ORC3: variants seen among roughly 807,000 people sequenced by gnomAD.
ORC3 encodes the protein homolog of latheo, Drosophila.
Under a neutral mutation model 100.7 loss-of-function variants are expected in ORC3, and 78 were observed. The ratio of observed to expected loss-of-function variants is 0.77; its 90% CI spans 0.65 to 0.94. The LOEUF is 0.94. ORC3 is among the 40% of genes least tolerant of loss of function. ORC3 has a pLI of 0.00. For synonymous variants in ORC3, 295 were observed against 289.3 expected (o/e 1.02, Z -0.20); for missense variants, 789 against 823.9 (o/e 0.96, Z 0.52).
At chr6:87,622,271 T>C (rs1489096822) in intron 11 of ORC3, among the ~76,000 whole-genome samples, 1 of 152,122 alleles carries the variant, frequency 6.6e-6, no homozygotes, top group African/African-American at 2.4e-5. Flanking sequence ...TGAAAGCACC[T>C]TTAGATCTAT....
At chr6:87,668,095 G>A (rs557552401), downstream of ORC3, among the ~76,000 whole-genome samples, 1 of 152,208 alleles carries the variant, frequency 6.6e-6, no homozygotes, top group South Asian at 2.1e-4. Flanking sequence ...CTCTTCTATG[G>A]CAGAAACTCA....
downstream of ORC3, among the ~76,000 whole-genome samples, chr6:87,671,260 G>A (rs1770824090): frequency 1.3e-5 from 2 of 152,080 alleles, no homozygotes; most frequent in South Asian, 4.2e-4. Flanking sequence ...AATAATCCAA[G>A]CAAGCTATGA....
intron 19 of ORC3, 81 bp from the exon 20 acceptor site, chr6:87,666,936 CA>C (rs1178987287): frequency 2.2e-5 from 16 of 733,496 alleles, no homozygotes; most frequent in Non-Finnish European, 3.7e-5. Context: ...TTCATTTTAC[CA>C]ACTAGTATTT....
At chr6:87,673,330 G>C in the ORC3 span, among the ~76,000 whole-genome samples, 3 of 151,908 alleles carry the variant, frequency 2.0e-5, no homozygotes, top group Non-Finnish European at 4.4e-5. Flanking sequence ...GTGGTTCTTA[G>C]CTGGGAACTG....
intron 11 of ORC3, among the ~76,000 whole-genome samples, chr6:87,627,011 T>A (rs1473779346): frequency 6.6e-6 from 1 of 151,936 alleles, no homozygotes; most frequent in Admixed American, 6.6e-5. Flanking sequence ...ATTTTATTTT[T>A]TTTGAGGTGG....
At chr6:87,668,269 A>G (rs1770758592), downstream of ORC3, among the ~76,000 whole-genome samples, 2 of 152,220 alleles carry the variant, frequency 1.3e-5, no homozygotes, top group South Asian at 4.2e-4. Flanking sequence ...CCTTAGAACT[A>G]TGTCATTGCA....
intron 2 of ORC3, 98 bp from the exon 3 acceptor site, chr6:87,601,686 T>A (rs184578016): frequency 0.016 from 9,951 of 640,286 alleles, 71 homozygotes; most frequent in Non-Finnish European, 0.019. Flanking sequence ...AAAAAAAAAA[T>A]TTCACTTCTG....
intron 2 of ORC3, among the ~76,000 whole-genome samples, chr6:87,598,659 T>C (rs1459451549): frequency 7.4e-6 from 1 of 135,912 alleles, no homozygotes; most frequent in Non-Finnish European, 1.7e-5. Context: ...TTTGCTAGGC[T>C]TTTTTTTTTT....
At chr6:87,676,973 AG>A in the ORC3 span, among the ~76,000 whole-genome samples, 1 of 151,420 alleles carries the variant, frequency 6.6e-6, no homozygotes, top group Non-Finnish European at 1.5e-5. Flanking sequence ...GCTACACAGG[AG>A]GCTGAGGCAG....
At chr6:87,601,941 A>C in intron 3 of ORC3, 60 bp downstream of exon 3, 6 of 943,464 alleles carry the variant, frequency 6.4e-6, no homozygotes, top group Non-Finnish European at 1.0e-5. Context: ...GTTGCATCTC[A>C]TCTTCCTTTC....
chr6:87,657,346 A>G (rs989985265), intron 15 of ORC3, among the ~76,000 whole-genome samples: 2 of 152,344 alleles, frequency 1.3e-5, no homozygotes, highest in South Asian at 4.1e-4. Flanking sequence ...AGCCTAACTA[A>G]TTAGTTTTAG....
At chr6:87,631,620 G>A (rs529301970) in intron 11 of ORC3, among the ~76,000 whole-genome samples, 1 of 152,034 alleles carries the variant, frequency 6.6e-6, no homozygotes, top group South Asian at 2.1e-4. Context: ...AGCCTCCCAA[G>A]TAGCTGGGAT....
intron 1 of ORC3, among the ~76,000 whole-genome samples, chr6:87,592,578 A>G (rs1197808141): frequency 6.6e-6 from 1 of 152,046 alleles, no homozygotes; most frequent in African/African-American, 2.4e-5. Flanking sequence ...ACAGTGAGCC[A>G]AGATTGTGCC....
chr6:87,651,809 T>A (rs534740666), intron 13 of ORC3, among the ~76,000 whole-genome samples: 1 of 152,310 alleles, frequency 6.6e-6, no homozygotes, highest in South Asian at 2.1e-4. Flanking sequence ...CTCATTTTTT[T>A]ATTATGAAAG....
the ORC3 span, among the ~76,000 whole-genome samples, chr6:87,676,405 G>A: frequency 2.1e-4 from 26 of 126,564 alleles, no homozygotes; most frequent in Non-Finnish European, 3.8e-4. Flanking sequence ...GGTGGAGCTT[G>A]CAGTGAGCCA....
chr6:87,603,510 A>T lies in ORC3; in HGVS notation c.304A>T (p.Thr102Ser). ...GGQIKLREIPTAALVLGVNVT... is the reference protein window; with the variant it reads ...GGQIKLREIPSAALVLGVNVT... Reference sequence around the variant, plus strand: ...TCAAATAAAACTCAGAGAAATTCCAACTGCTGCTCTTGTTCTTGGTATATA... The same window carrying T: ...TCAAATAAAACTCAGAGAAATTCCATCTGCTGCTCTTGTTCTTGGTATATA... Residue 102 changes from threonine (T) to serine (S), a missense_variant, in exon 4 of 20, where the codon ACT (threonine) becomes TCT (serine). By Grantham distance (58) the Thr-to-Ser change is moderately conservative. This residue lies in a region of ORC3 where 399 missense variants were observed against 382.0 expected (regional missense o/e 1.04). Transcript: ENST00000392844. 1 of 1,519,432 alleles carries T rather than the reference A, an allele frequency of 6.6e-7. No individual in the cohort carries two copies. The highest frequency in any genetic ancestry group is 2.3e-5 in the East Asian group (1 of 43,924). 94.1% of individuals were successfully genotyped at this position (1,519,432 alleles called of 1,614,324 possible).
chr6:87,672,059 T>A (rs1318877643), downstream of ORC3, among the ~76,000 whole-genome samples: 1 of 152,216 alleles, frequency 6.6e-6, no homozygotes, highest in Non-Finnish European at 1.5e-5. Context: ...AGTAGGAATC[T>A]TAATTGAATC....
At chr6:87,666,426 G>A (rs1294259726) in intron 19 of ORC3, among the ~76,000 whole-genome samples, 2 of 145,570 alleles carry the variant, frequency 1.4e-5, no homozygotes, top group South Asian at 2.1e-4. Flanking sequence ...CACCTCACCC[G>A]GCCTAATTCT....
chr6:87,608,781 CTT>C (rs1308591450), intron 6 of ORC3, among the ~76,000 whole-genome samples: 22 of 152,090 alleles, frequency 1.4e-4, no homozygotes, highest in Non-Finnish European at 4.4e-5. Flanking sequence ...CAGAATATAA[CTT>C]TCTACCAACA....
Sources: gnomAD v4.1 joint callset for allele counts (sites outside exome capture counted in the v4.1 genomes callset) on GRCh38, gnomAD v4.1.1 for gene constraint, gnomAD v4.1.1 regional missense constraint, MANE v1.5 for transcripts, NCBI Gene and HGNC (gene_info 2026-07-23, HGNC 2026-07-21) for gene names.